USP20: variants seen among roughly 807,000 people sequenced by gnomAD.
USP20 encodes the protein ubiquitin specific peptidase 20.
Under a neutral mutation model 124.2 loss-of-function variants are expected in USP20, and 80 were observed. The ratio of observed to expected loss-of-function variants is 0.64; its 90% confidence interval spans 0.54 to 0.78. USP20 has a LOEUF of 0.78. Ranked by LOEUF, USP20 falls within the 30% of genes least tolerant of loss-of-function variation. The probability of loss-of-function intolerance (pLI) is 0.00; values close to 1 mark genes in which losing one functional copy is unlikely to be tolerated. For missense variants in USP20, 1,043 were observed against 1,244.4 expected, an observed-to-expected ratio of 0.84 and a Z score of 2.44; for synonymous variants, 481 against 512.3, an observed-to-expected ratio of 0.94 and a Z score of 0.83.
chr9:129,846,247 A>ATATATATATATATATATATATTTTTT (rs1554742656), intron 1 of USP20, among the ~76,000 whole-genome samples: 1 of 32,664 alleles, frequency 3.1e-5, no homozygotes. Context: ...ATATATATAT[A>ATATATATATATATATATATATTTTTT]TTTTTTTTTT....
At position 129,868,926 on chromosome 9, in the gene USP20, G is replaced by T; in HGVS notation, c.1200G>T (p.Glu400Asp). Residue 400 changes from glutamate (E) to aspartate (D), a missense_variant, in exon 12 of 26, where the codon GAG becomes GAT. Physicochemically the swap from Glu to Asp is conservative, Grantham distance 45 (BLOSUM62 2). Coordinates refer to ENST00000372429, the MANE Select transcript of USP20 (RefSeq NM_001110303.4). ...SRPCSPVHHHEGHAKLSSSPP... is the reference protein window; with the variant it reads ...SRPCSPVHHHDGHAKLSSSPP... ...CCTGCAGCCCCGTCCACCACCACGA[G>T]GGCCATGCCAAGCTGTCTAGCAGCC... The T allele has an allele frequency of 6.2e-7, 1 of 1,612,338 alleles. No individual in the cohort carries two copies. Among genetic ancestry groups the T allele is most frequent in the East Asian group, 2.2e-5 (1 of 44,806 alleles).
At chr9:129,872,235 C>G (rs1176786035) in intron 15 of USP20, among the ~76,000 whole-genome samples, 1 of 152,070 alleles carries the variant, frequency 6.6e-6, no homozygotes, top group Non-Finnish European at 1.5e-5. Flanking sequence ...TCACTGCAGC[C>G]TCCGCCTCCT....
chr9:129,854,914 A>G (rs749711529), intron 3 of USP20, among the ~76,000 whole-genome samples: 79 of 152,322 alleles, frequency 5.2e-4, no homozygotes, highest in Non-Finnish European at 9.7e-4. Context: ...GAAGGAGGCC[A>G]TGGAGGCCTG....
chr9:129,845,978 G>T (rs951098357), intron 1 of USP20, among the ~76,000 whole-genome samples: 2 of 151,812 alleles, frequency 1.3e-5, no homozygotes, highest in African/African-American at 2.4e-5. Flanking sequence ...AGGCTGGAGC[G>T]CAGTGGTGCG....
intron 14 of USP20, 26 bp downstream of exon 14, chr9:129,869,870 C>T (rs374517533): frequency 1.2e-5 from 19 of 1,533,356 alleles, no homozygotes; most frequent in South Asian, 1.0e-4. Flanking sequence ...CACTACTGGG[C>T]GACATGGGCT....
rs973124599 is a variant in USP20 at position 129,880,577 on chromosome 9, C to T, written c.*127C>T. The T allele has an allele frequency of 7.9e-6, 3 of 377,946 alleles. No homozygotes were observed. The highest frequency in any genetic ancestry group is 3.8e-5 in the Admixed American group (1 of 26,098). 23.4% of individuals were successfully genotyped at this position (377,946 alleles called of 1,614,324 possible). On this transcript the variant is annotated 3_prime_UTR_variant, in exon 26 of 26. Transcript: ENST00000372429. ...GAAAAGTTGGTTTGGTTTGCAGTAA[C>T]GCTGCAACTAGAAAATATATGCACT...
At chr9:129,880,030 C>T in intron 24 of USP20, 83 bp from the exon 25 acceptor site, 8 of 1,526,358 alleles carry the variant, frequency 5.2e-6, no homozygotes, top group Non-Finnish European at 7.1e-6. Flanking sequence ...CGGGGCCTGG[C>T]CCTGCGGAGC....
At chr9:129,880,344 C>A in intron 25 of USP20, 55 bp downstream of exon 25, 1 of 1,497,258 alleles carries the variant, frequency 6.7e-7, no homozygotes, top group South Asian at 1.3e-5. Context: ...CCTCACTCTC[C>A]AGAGACCCTC....
chr9:129,878,104 G>T (rs1449158748), intron 22 of USP20, among the ~76,000 whole-genome samples: 1 of 152,152 alleles, frequency 6.6e-6, no homozygotes, highest in Non-Finnish European at 1.5e-5. Context: ...GTCTCAGTTG[G>T]GTCAAACAGT....
At position 129,878,321 on chromosome 9, in the gene USP20, CCCTGCCCG is replaced by C; in HGVS notation, c.2410-10_2410-3del. 6.4e-7 allele frequency: 1 copy of C among 1,564,448 alleles called. No homozygotes were observed. The highest frequency in any genetic ancestry group is 1.4e-5 in the African/African-American group (1 of 73,960). On this transcript the variant is annotated splice_polypyrimidine_tract_variant and intron_variant, in intron 22 of 25. Coordinates refer to ENST00000372429, the MANE Select transcript of USP20 (RefSeq NM_001110303.4). The stretch of plus-strand genomic sequence containing the variant: ...TGACCTGCCCTCTGTCTCCTCCCGT[CCCTGCCCG>C]CCTGCCAGTTGAACAAGGCCTTCCA...
chr9:129,858,679 G>A lies in USP20; in HGVS notation c.330+81G>A, dbSNP rs1412545042. On this transcript the variant is annotated intron_variant, in intron 6 of 25. Coordinates refer to ENST00000372429, the MANE Select transcript of USP20 (RefSeq NM_001110303.4). The stretch of plus-strand genomic sequence containing the variant: ...GCAGTGTGACCTGAGCATCCGTGGA[G>A]CATGGGGCAGTAGGTCCCAGAGGTG... The A allele has an allele frequency of 9.6e-6, 15 of 1,563,758 alleles. No individual in the cohort carries two copies. The East Asian group carries it at 2.7e-4, about 28-fold the overall frequency.
intron 1 of USP20, among the ~76,000 whole-genome samples, chr9:129,838,135 A>G (rs972177012): frequency 1.3e-5 from 2 of 149,564 alleles, no homozygotes; most frequent in African/African-American, 4.9e-5. Flanking sequence ...TCCGCCTCCC[A>G]GGTTCAAGTG....
At chr9:129,855,895 C>T (rs2131057673) in intron 3 of USP20, among the ~76,000 whole-genome samples, 1 of 152,204 alleles carries the variant, frequency 6.6e-6, no homozygotes, top group South Asian at 2.1e-4. Context: ...CAGGGGTAGG[C>T]AGAACAGACC....
At chr9:129,875,515 C>T (rs772709052) in intron 20 of USP20, 36 bp downstream of exon 20, 4 of 1,612,936 alleles carry the variant, frequency 2.5e-6, no homozygotes, top group East Asian at 2.2e-5. Context: ...GCAGGGTGGG[C>T]AGCTGGGCCG....
In USP20 at chr9:129,876,134, G is replaced by A. The variant is rs1002106217; in HGVS notation, c.2305G>A (p.Gly769Arg). 41 of 1,612,432 alleles carry A rather than the reference G, an allele frequency of 2.5e-5. No homozygotes were observed. The highest frequency in any genetic ancestry group is 3.1e-5 in the Non-Finnish European group (37 of 1,179,538). The change falls in exon 22 of 26, where the codon GGG becomes AGG. Residue 769 changes from glycine to arginine, a missense_variant. Transcript: ENST00000372429. ...NVWEHLYNRF[G>R]GGPAVNHLYV... ...TCTCTCCCACCCTGGGCACAGATTCGGGGGTGGCCCCGCCGTGAACCACCT... is the reference window on the plus strand; with the variant it reads ...TCTCTCCCACCCTGGGCACAGATTCAGGGGTGGCCCCGCCGTGAACCACCT...
At position 129,866,894 on chromosome 9, in the gene USP20, C is replaced by T. The variant is rs959747111; in HGVS notation, c.691-1111C>T. The stretch of plus-strand genomic sequence containing the variant: ...GTGCCTGCCACAGGACACGTGTCCC[C>T]TCCCTGATGCAATGTAACCTCGTGG... On this transcript the variant is annotated intron_variant, in intron 10 of 25. Transcript: ENST00000372429. 2.6e-5 allele frequency among the ~76,000 whole-genome samples: 4 copies of T among 152,334 alleles called. No individual in the cohort carries two copies. The East Asian group carries it at 7.7e-4, about 29-fold the overall frequency.
rs1330613324 is a variant in USP20, at chr9:129,875,587, T to C, written c.2246T>C (p.Ile749Thr). ...ATCCCGCCCCACAAATACCACTACATCGACGACCTGGTGGTCATCCTGCCC... is the reference window on the plus strand; with the variant it reads ...ATCCCGCCCCACAAATACCACTACACCGACGACCTGGTGGTCATCCTGCCC... ...GGIPPHKYHY[I>T]DDLVVILPQN... The change falls in exon 21 of 26, where the codon ATC (isoleucine) becomes ACC (threonine). Residue 749 changes from isoleucine (I) to threonine (T), a missense_variant. Transcript: ENST00000372429. The C allele has an allele frequency of 2.5e-6, 4 of 1,613,976 alleles. No individual in the cohort carries two copies. The highest frequency in any genetic ancestry group is 3.4e-6 in the Non-Finnish European group (4 of 1,179,984).
chr9:129,878,939 C>A (rs571641995), intron 23 of USP20, among the ~76,000 whole-genome samples: 2 of 152,192 alleles, frequency 1.3e-5, no homozygotes, highest in African/African-American at 2.4e-5. Context: ...CCTGTGGCTC[C>A]GGGGCCCGGC....
intron 21 of USP20, 107 bp from the exon 22 acceptor site, chr9:129,876,023 C>A: frequency 2.0e-6 from 2 of 995,124 alleles, no homozygotes; most frequent in South Asian, 3.1e-5. Context: ...CCTGCGACAG[C>A]GCTGAGGGGG....
Sources: gnomAD v4.1 joint callset for allele counts (sites outside exome capture counted in the v4.1 genomes callset) on GRCh38, gnomAD v4.1.1 for gene constraint, MANE v1.5 for transcripts, NCBI Gene and HGNC (gene_info 2026-07-23, HGNC 2026-07-21) for gene names.